LRP1: variants seen among roughly 807,000 people sequenced by gnomAD.
LRP1 encodes the protein prolow-density lipoprotein receptor-related protein 1.
A neutral mutation model predicts 541.5 loss-of-function variants in LRP1; 51 were observed. The ratio of observed to expected loss-of-function variants is 0.09; its 90% confidence interval spans 0.08 to 0.12. The LOEUF is 0.12. Among genes scored for constraint, LRP1 ranks in the 10% least tolerant of loss-of-function variants. LRP1 has a pLI of 1.00. For missense variants in LRP1, 3,878 were observed against 6,376.2 expected (o/e 0.61, Z 13.34); for synonymous variants, 2,219 against 2,470.8 (o/e 0.90, Z 3.02).
intron 42 of LRP1, among the ~76,000 whole-genome samples, chr12:57,187,760 C>CCT (rs937657660): frequency 6.6e-6 from 1 of 152,226 alleles, no homozygotes; most frequent in African/African-American, 2.4e-5. Context: ...CAGGGTAGGG[C>CCT]CTCTAGCTCT....
chr12:57,143,533 G>A, intron 3 of LRP1, 146 bp from the exon 4 acceptor site: 1 of 951,102 alleles, frequency 1.1e-6, no homozygotes, highest in Non-Finnish European at 1.5e-6. Context: ...AAATATGGTA[G>A]ATGCTTCCTA....
At position 57,154,877 on chromosome 12, in the gene LRP1, C is replaced by T. The variant is rs961603557; in HGVS notation, c.1227+176C>T. ...AATACTGCAGAGAAAGGACAAGATA[C>T]GGGTTCCACTGTGATGGGAACAGTC... is the stretch of plus-strand genomic sequence containing the variant. On this transcript the variant is annotated intron_variant, in intron 8 of 88. Coordinates refer to ENST00000243077, the MANE Select transcript of LRP1 (RefSeq NM_002332.3). This position sits in a 1 kb window ranked among gnomAD's most constrained non-coding sequence, Gnocchi z 4.6. 22 of 644,388 alleles carry T rather than the reference C, an allele frequency of 3.4e-5. No homozygotes were observed. The highest frequency in any genetic ancestry group is 2.5e-4 in the Middle Eastern group (1 of 4,028). The allele number at this position is 644,388 out of a possible 1,614,324, so 39.9% of individuals were successfully genotyped here.
intron 41 of LRP1, among the ~76,000 whole-genome samples, chr12:57,187,000 G>A (rs1388901997): frequency 6.6e-6 from 1 of 152,220 alleles, no homozygotes; most frequent in Non-Finnish European, 1.5e-5. Context: ...CTCCAGGAAA[G>A]TGCAAACACA....
At chr12:57,144,911 C>A in intron 4 of LRP1, 61 bp from the exon 5 acceptor site, 1 of 1,524,518 alleles carries the variant, frequency 6.6e-7, no homozygotes, top group African/African-American at 1.4e-5. Context: ...GTCTGATGAT[C>A]ACCCACTTCG....
Position 57,154,253 on chromosome 12 carries a change from T to G in LRP1, c.887T>G (p.Phe296Cys). The change falls in exon 7 of 89, where the codon TTT becomes TGT. Residue 296 changes from phenylalanine (F) to cysteine (C), a missense_variant. Transcript: ENST00000243077. The surrounding 1 kb of genome is among the most constrained non-coding windows in gnomAD (Gnocchi z 4.6). ...GACTGGCTGACAGGCAACTTCTACT[T>G]TGTGGATGACATCGATGATAGGATC... ...AIDWLTGNFY[F>C]VDDIDDRIFV... The G allele has an allele frequency of 6.2e-7, 1 of 1,614,186 alleles. No individual in the cohort carries two copies. The highest frequency in any genetic ancestry group is 8.5e-7 in the Non-Finnish European group (1 of 1,180,020).
intron 1 of LRP1, chr12:57,131,905 ATC>A (rs1252387465): frequency 6.6e-6 from 1 of 152,360 alleles, no homozygotes; most frequent in Non-Finnish European, 1.5e-5. Context: ...ACTCAAGTCT[ATC>A]TCTCTTTCCT....
intron 68 of LRP1, 134 bp downstream of exon 68, chr12:57,202,671 C>T (rs2036683010): frequency 4.6e-6 from 3 of 651,072 alleles, no homozygotes; most frequent in Non-Finnish European, 8.3e-6. Context: ...CCTCCTCACC[C>T]ATCCCACTCC....
chr12:57,193,337 A>G, intron 46 of LRP1, 33 bp downstream of exon 46: 1 of 1,604,616 alleles, frequency 6.2e-7, no homozygotes, highest in Non-Finnish European at 8.5e-7. Context: ...TGCCTCTTCC[A>G]GGCCCAGAGC....
intron 13 of LRP1, among the ~76,000 whole-genome samples, chr12:57,161,912 A>T (rs971986374): frequency 6.6e-6 from 1 of 152,152 alleles, no homozygotes; most frequent in Non-Finnish European, 1.5e-5. Flanking sequence ...CTCAGCCCCT[A>T]ACAGATCCTG....
chr12:57,133,661 C>T (rs543908675), intron 1 of LRP1, among the ~76,000 whole-genome samples: 84 of 145,218 alleles, frequency 5.8e-4, no homozygotes, highest in Non-Finnish European at 9.4e-4. Context: ...GCATCCTCCT[C>T]CCACTCTGTT....
chr12:57,180,853 G>T, intron 33 of LRP1, 46 bp downstream of exon 33: 1 of 1,607,768 alleles, frequency 6.2e-7, no homozygotes. Context: ...GGGCAACAGG[G>T]GAGCCGTCCA....
intron 51 of LRP1, 29 bp downstream of exon 51, chr12:57,195,130 G>A (rs758995145): frequency 6.2e-7 from 1 of 1,606,776 alleles, no homozygotes. Context: ...GGCCGGGGGA[G>A]GTGCCCCAGG....
chr12:57,198,135 C>T (rs2136735245), intron 58 of LRP1, 21 bp from the exon 59 acceptor site: 1 of 1,588,178 alleles, frequency 6.3e-7, no homozygotes, highest in Non-Finnish European at 8.6e-7. Flanking sequence ...AGAGCTCTCC[C>T]TCCCCTGCCC....
intron 1 of LRP1, among the ~76,000 whole-genome samples, chr12:57,130,268 G>A (rs1306277465): frequency 6.6e-6 from 1 of 152,108 alleles, no homozygotes; most frequent in African/African-American, 2.4e-5. Context: ...GATTGGGATT[G>A]GGAAAGTTTT....
At position 57,154,989 on chromosome 12, in the gene LRP1, G is replaced by A. The variant is rs917601038; in HGVS notation, c.1227+288G>A. ...AGCTGATGAACAGGGAGGTGGTTCA[G>A]TTCCCTTTCAGCAGATGAAAAAGCA... On this transcript the variant is annotated intron_variant, in intron 8 of 88. Coordinates refer to ENST00000243077, the MANE Select transcript of LRP1 (RefSeq NM_002332.3). The surrounding 1 kb of genome is among the most constrained non-coding windows in gnomAD (Gnocchi z 4.6). 20 of 587,996 alleles carry A rather than the reference G, an allele frequency of 3.4e-5. No individual in the cohort carries two copies. The highest frequency in any genetic ancestry group is 3.2e-4 in the African/African-American group (17 of 53,836). 36.4% of individuals were successfully genotyped at this position (587,996 alleles called of 1,614,324 possible). A position where few individuals can be genotyped will look rare whatever the true frequency, so the allele number is the denominator to read the frequency against.
intron 20 of LRP1, among the ~76,000 whole-genome samples, chr12:57,171,494 G>A (rs1010142972): frequency 1.3e-5 from 2 of 152,188 alleles, no homozygotes; most frequent in Admixed American, 6.5e-5. Context: ...AGGGACAGTG[G>A]GGAATGAGGC....
intron 6 of LRP1, among the ~76,000 whole-genome samples, chr12:57,153,724 G>T (rs2035568533): frequency 6.6e-6 from 1 of 152,098 alleles, no homozygotes; most frequent in Non-Finnish European, 1.5e-5. Flanking sequence ...CCCAAACTGG[G>T]TTTATTAGCG....
In LRP1 at chr12:57,162,031, G is replaced by A. The variant is rs557392975; in HGVS notation, c.2203-286G>A. Among the ~76,000 whole-genome samples, 38 of 152,162 alleles carry A rather than the reference G, an allele frequency of 2.5e-4. No individual in the cohort carries two copies. Among genetic ancestry groups the A allele is most frequent in the Middle Eastern group, 3.4e-3 (1 of 294 alleles). On this transcript the variant is annotated intron_variant, in intron 13 of 88. Transcript: ENST00000243077. The surrounding 1 kb of genome is among the most constrained non-coding windows in gnomAD (Gnocchi z 5.2). ...TGTGTGTGTGTGCACGTATGTGTGC[G>A]TGTGTGTGTTTGGGGACTATGAATG...
In LRP1 at chr12:57,197,686, G is replaced by T; in HGVS notation, c.9282+22G>T. ...GCAGGTGAGGCGGGCGGCCCTCGGC[G>T]ACCAACACTGGCCCGCCTCAGATGA... On this transcript the variant is annotated intron_variant, in intron 58 of 88. Transcript: ENST00000243077. The surrounding 1 kb of genome is among the most constrained non-coding windows in gnomAD (Gnocchi z 4.5). 3 of 1,609,190 alleles carry T rather than the reference G, an allele frequency of 1.9e-6. No homozygotes were observed. The highest frequency in any genetic ancestry group is 2.2e-5 in the South Asian group (2 of 90,822).
Sources: allele counts gnomAD v4.1 joint callset (sites outside exome capture counted in the v4.1 genomes callset), GRCh38; gene constraint gnomAD v4.1.1; non-coding constraint Gnocchi (gnomAD v3.1); transcripts MANE v1.5; gene names NCBI Gene and HGNC (gene_info 2026-07-23, HGNC 2026-07-21).